Variants in KIAA1210 observed in about 807,000 individuals in gnomAD.
The protein encoded by KIAA1210 is KIAA1210.
Under a neutral mutation model 78.9 loss-of-function variants are expected in KIAA1210, and 48 were observed. That is an observed-to-expected ratio of 0.61 (90% CI 0.48 to 0.77). The LOEUF (loss-of-function observed/expected upper bound fraction) is 0.77, where lower values mean the gene tolerates loss of function less well. Among genes scored for constraint, KIAA1210 ranks in the 30% least tolerant of loss-of-function variants. KIAA1210 has a pLI of 0.00. For missense variants in KIAA1210, 1,108 were observed against 1,100.0 expected (o/e 1.01, Z -0.10); for synonymous variants, 406 against 404.5 (o/e 1.00, Z -0.04).
intron 2 of KIAA1210, among the ~76,000 whole-genome samples, chrX:119,136,342 G>A (rs1928913406): frequency 8.9e-6 from 1 of 112,476 alleles, no homozygotes; most frequent in Non-Finnish European, 1.9e-5. Flanking sequence ...GCAGCCTTTT[G>A]GCCCACAGGG....
chrX:119,112,905 C>T (rs1300076137), intron 3 of KIAA1210, among the ~76,000 whole-genome samples: 1 of 111,839 alleles, frequency 8.9e-6, no homozygotes, highest in African/African-American at 3.3e-5. Flanking sequence ...ATGTTCACAG[C>T]AGTATTATTC....
rs1927232368 is a variant in KIAA1210 at position 119,088,322 on chromosome X, T to C, written c.2380A>G (p.Met794Val). 1 of 1,210,914 alleles carries C rather than the reference T, an allele frequency of 8.3e-7. No individual in the cohort carries two copies. Among genetic ancestry groups the C allele is most frequent in the Non-Finnish European group, 1.1e-6 (1 of 895,101 alleles). The part of the protein sequence containing the change: ...EQEVSSSPKS[M>V]AVEESISMKP... ...ATAGAAATGCTCTCTTCAACAGCCATGCTCTTTGGAGATGAGGAAACTTCT... is the reference window on the plus strand; with the variant it reads ...ATAGAAATGCTCTCTTCAACAGCCACGCTCTTTGGAGATGAGGAAACTTCT... Residue 794 changes from methionine to valine, a missense_variant, in exon 9 of 12, where the codon ATG (methionine) becomes GTG (valine). By Grantham distance (21) the Met-to-Val change is conservative. Transcript: ENST00000691062.
rs2147175108 is a variant in KIAA1210, at chrX:119,093,717, A to G, written c.905T>C (p.Ile302Thr). ...TTCGTTGATTTCTTTTGGTTTGGTT[A>G]TGCTCTTTTCTTCTTCAGAAACCAA... ...LPLVSEEEKS[I>T]TKPKEINEKK... Residue 302 changes from isoleucine (I) to threonine (T), a missense_variant, in exon 8 of 12, where the codon ATA becomes ACA. This residue lies in a region of KIAA1210 where 672 missense variants were observed against 607.1 expected (regional missense o/e 1.11). Coordinates refer to ENST00000691062, the MANE Select transcript of KIAA1210 (RefSeq NM_001394962.1). The G allele has an allele frequency of 8.3e-7, 1 of 1,210,211 alleles. No homozygotes were observed.
chrX:119,130,378 T>C (rs915986009), upstream of KIAA1210, among the ~76,000 whole-genome samples: 7 of 112,513 alleles, frequency 6.2e-5, no homozygotes, highest in African/African-American at 1.9e-4. Flanking sequence ...AAATTACACA[T>C]ATGCTTCAAG....
chrX:119,097,063 A>G (rs1003151382), intron 6 of KIAA1210, among the ~76,000 whole-genome samples: 1 of 111,733 alleles, frequency 8.9e-6, no homozygotes, highest in Non-Finnish European at 1.9e-5. Context: ...CTGGGGTGAG[A>G]GGAACAATTG....
At chrX:119,093,578 G>T in intron 8 of KIAA1210, 89 bp downstream of exon 8, 1 of 606,320 alleles carries the variant, frequency 1.6e-6, no homozygotes, top group Non-Finnish European at 2.5e-6. Context: ...GCAGTCTTGG[G>T]TAGTTCTTGG....
At chrX:119,134,810 AG>A (rs1037508460) in intron 2 of KIAA1210, among the ~76,000 whole-genome samples, 3 of 112,422 alleles carry the variant, frequency 2.7e-5, no homozygotes, top group African/African-American at 9.7e-5. Flanking sequence ...CTAGTGGCCT[AG>A]AAGCCTAGCA....
chrX:119,111,566 C>T (rs1210114143), intron 3 of KIAA1210, among the ~76,000 whole-genome samples: 2 of 97,607 alleles, frequency 2.0e-5, no homozygotes, highest in African/African-American at 7.8e-5. Context: ...GAGAACACAT[C>T]GACATGGGGG....
At chrX:119,150,709 G>A (rs900888079), upstream of KIAA1210, 3 of 715,236 alleles carry the variant, frequency 4.2e-6, no homozygotes, top group Non-Finnish European at 6.3e-6. Context: ...GCTCTCCCAG[G>A]AGGGCACCGC....
At chrX:119,120,013 A>AGAAAAATT (rs1928407568) in intron 2 of KIAA1210, among the ~76,000 whole-genome samples, 1 of 108,074 alleles carries the variant, frequency 9.3e-6, no homozygotes, top group Non-Finnish European at 1.9e-5. Context: ...AGAAAAGAAA[A>AGAAAAATT]GAAAAATTAG....
At position 119,125,249 on chromosome X, in the gene KIAA1210, A is replaced by T. The variant is rs760149657; in HGVS notation, c.-10-1597T>A. Among the ~76,000 whole-genome samples the T allele has an allele frequency of 1.7e-3, 186 of 111,405 alleles. 2 individuals are homozygous for T. The highest frequency in any genetic ancestry group is 5.7e-3 in the African/African-American group (175 of 30,650). On this transcript the variant is annotated intron_variant, in intron 1 of 11. Transcript: ENST00000691062. ...TGGGAAAAAATAGGGACTCTCATGC[A>T]CTCTGGAGTGAGTAGTTCTAACTCT...
chrX:119,101,891 T>C (rs761588806), intron 6 of KIAA1210, among the ~76,000 whole-genome samples: 8 of 112,393 alleles, frequency 7.1e-5, no homozygotes, highest in Non-Finnish European at 1.3e-4. Flanking sequence ...CCTAGCCCTT[T>C]TGAGCCTCAG....
At position 119,084,374 on chromosome X, in the gene KIAA1210, C is replaced by G. The variant is rs139688260; in HGVS notation, c.4320+1009G>C. Reference sequence around the variant, plus strand: ...AATCAATATGTAGAAATCCAAACATCAAACACAGAAAGGGAACTTGTTGTG... The same window carrying G: ...AATCAATATGTAGAAATCCAAACATGAAACACAGAAAGGGAACTTGTTGTG... On this transcript the variant is annotated intron_variant, in intron 10 of 11. Coordinates refer to ENST00000691062, the MANE Select transcript of KIAA1210 (RefSeq NM_001394962.1). Among the ~76,000 whole-genome samples the G allele has an allele frequency of 8.5e-3, 948 of 111,361 alleles. 9 individuals carry two copies. Among genetic ancestry groups the G allele is most frequent in the African/African-American group, 0.03 (905 of 30,625 alleles).
chrX:119,091,628 T>C (rs1308278515), intron 8 of KIAA1210, among the ~76,000 whole-genome samples: 1 of 111,722 alleles, frequency 9.0e-6, no homozygotes, highest in Non-Finnish European at 1.9e-5. Context: ...CTTCCCTCAC[T>C]ATCTGCTGCA....
chrX:119,085,598 G>A, intron 9 of KIAA1210, 52 bp from the exon 10 acceptor site: 1 of 1,099,349 alleles, frequency 9.1e-7, no homozygotes, highest in African/African-American at 1.8e-5. Context: ...GCAGGGTCTT[G>A]AGCCTGGTTG....
At chrX:119,105,475 CA>C (rs752864831) in intron 5 of KIAA1210, among the ~76,000 whole-genome samples, 1 of 112,219 alleles carries the variant, frequency 8.9e-6, no homozygotes, top group South Asian at 3.7e-4. Flanking sequence ...ATGTTAAATA[CA>C]AATCTCATTT....
chrX:119,093,827 C>G (rs1445921052), intron 7 of KIAA1210, 52 bp from the exon 8 acceptor site: 1 of 1,041,576 alleles, frequency 9.6e-7, no homozygotes, highest in African/African-American at 1.9e-5. Flanking sequence ...TTTCCAACCA[C>G]GCCTGCATGG....
In KIAA1210 at chrX:119,087,063, A is replaced by G; in HGVS notation, c.3639T>C (p.Phe1213=). The G allele has an allele frequency of 8.3e-7, 1 of 1,211,730 alleles. No homozygotes were observed. The highest frequency in any genetic ancestry group is 3.0e-5 in the East Asian group (1 of 33,840). ...SVNAAARRSV[F]ESNSDNWFLG... is the part of the protein sequence containing the mutation. The stretch of plus-strand genomic sequence containing the variant: ...GGAACCAATTGTCAGAATTGCTCTC[A>G]AAAACAGATCGCCTAGCAGCAGCAT... Residue 1213 remains phenylalanine (F), a synonymous_variant, in exon 9 of 12, where the codon TTT becomes TTC. Transcript: ENST00000691062.
In KIAA1210 at chrX:119,088,685, C is replaced by T; in HGVS notation, c.2017G>A (p.Val673Ile). ...QALEEPEDAE[V>I]FTESSSYVEK... ...ACATAACTGCTTGATTCTGTGAAGA[C>T]TTCTGCATCTTCAGGCTCCTCTAAA... Residue 673 changes from valine (V) to isoleucine (I), a missense_variant, in exon 9 of 12, where the codon GTC becomes ATC. Val to Ile is a conservative substitution (Grantham distance 29, BLOSUM62 3). Transcript: ENST00000691062. 1.7e-6 allele frequency: 2 copies of T among 1,210,316 alleles called. No individual in the cohort carries two copies. The highest frequency in any genetic ancestry group is 2.2e-6 in the Non-Finnish European group (2 of 894,800).
Sources: allele counts gnomAD v4.1 joint callset (sites outside exome capture counted in the v4.1 genomes callset), GRCh38; gene constraint gnomAD v4.1.1; regional missense constraint gnomAD v4.1.1; transcripts MANE v1.5; gene names NCBI Gene and HGNC (gene_info 2026-07-23, HGNC 2026-07-21).